ITGAM: variants seen among roughly 807,000 people sequenced by gnomAD.
ITGAM encodes integrin subunit alpha M.
Under a neutral mutation model 137.5 loss-of-function variants are expected in ITGAM, and 79 were observed. That is an observed-to-expected ratio of 0.57 (90% confidence interval 0.48 to 0.69). The LOEUF (loss-of-function observed/expected upper bound fraction) is 0.69, where lower values mean the gene tolerates loss of function less well. ITGAM is among the 30% of genes least tolerant of loss of function. The probability of loss-of-function intolerance (pLI) is 0.00; values close to 1 mark genes in which losing one functional copy is unlikely to be tolerated. For synonymous variants in ITGAM, 583 were observed against 592.3 expected (o/e 0.98, Z 0.23); for missense variants, 1,343 against 1,483.5 (o/e 0.91, Z 1.56).
At chr16:31,302,166 C>T (rs1413796338) in intron 14 of ITGAM, among the ~76,000 whole-genome samples, 1 of 152,018 alleles carries the variant, frequency 6.6e-6, no homozygotes, top group Non-Finnish European at 1.5e-5. Context: ...AAAAATAAAC[C>T]ACACTAAAAA....
At chr16:31,302,383 C>CTT in intron 14 of ITGAM, among the ~76,000 whole-genome samples, 1 of 149,100 alleles carries the variant, frequency 6.7e-6, no homozygotes. Flanking sequence ...TCTTTCTTTT[C>CTT]TTTTCTTTTT....
intron 7 of ITGAM, among the ~76,000 whole-genome samples, chr16:31,272,447 A>T (rs1220143895): frequency 8.1e-5 from 1 of 12,410 alleles, no homozygotes; most frequent in African/African-American, 3.9e-4. Context: ...ATATATATAT[A>T]TATATATATA....
chr16:31,307,060 T>C (rs1034510356), intron 14 of ITGAM, among the ~76,000 whole-genome samples: 2 of 152,144 alleles, frequency 1.3e-5, no homozygotes, highest in African/African-American at 4.8e-5. Flanking sequence ...CCTGGTAGTA[T>C]GGTTTGAAGT....
intron 14 of ITGAM, among the ~76,000 whole-genome samples, chr16:31,312,707 G>C (rs747371715): frequency 6.6e-6 from 1 of 152,074 alleles, no homozygotes; most frequent in Non-Finnish European, 1.5e-5. Flanking sequence ...GGGACTACTG[G>C]TGTGAGCCAC....
chr16:31,297,662 G>C lies in ITGAM; in HGVS notation c.1497+8G>C, dbSNP rs747958874. On this transcript the variant is annotated splice_region_variant and intron_variant, in intron 13 of 29. Transcript: ENST00000544665. Reference sequence around the variant, plus strand: ...TGCCCCTTGCCCAGGGGGGTGAGTGGCAATGGGACCTGGGCTGGGTGGGGC... The same window carrying C: ...TGCCCCTTGCCCAGGGGGGTGAGTGCCAATGGGACCTGGGCTGGGTGGGGC... The C allele has an allele frequency of 3.1e-6, 5 of 1,611,872 alleles. No homozygotes were observed. Among genetic ancestry groups the C allele is most frequent in the Non-Finnish European group, 4.2e-6 (5 of 1,179,330 alleles).
chr16:31,272,784 T>C (rs1035858495), intron 7 of ITGAM, among the ~76,000 whole-genome samples: 2 of 151,758 alleles, frequency 1.3e-5, no homozygotes, highest in African/African-American at 4.8e-5. Context: ...AATATATATA[T>C]TTTTAAAATT....
chr16:31,271,387 C>G (rs1408610232), intron 6 of ITGAM, among the ~76,000 whole-genome samples: 1 of 152,182 alleles, frequency 6.6e-6, no homozygotes, highest in Non-Finnish European at 1.5e-5. Context: ...GAATCTCACT[C>G]TTTCTCTCAG....
At chr16:31,314,612 A>G (rs1269628075) in intron 14 of ITGAM, among the ~76,000 whole-genome samples, 1 of 152,244 alleles carries the variant, frequency 6.6e-6, no homozygotes, top group East Asian at 1.9e-4. Flanking sequence ...TATCAGTACC[A>G]TGCTGTTTTG....
At chr16:31,282,246 A>C (rs1024704147) in intron 12 of ITGAM, among the ~76,000 whole-genome samples, 34 of 152,200 alleles carry the variant, frequency 2.2e-4, no homozygotes, top group Non-Finnish European at 4.4e-5. Flanking sequence ...CGCTTGGTGC[A>C]GAGCTGAGTT....
At position 31,271,810 on chromosome 16, in the gene ITGAM, AC is replaced by A; in HGVS notation, c.559-35del. 3.1e-6 allele frequency: 5 copies of A among 1,612,566 alleles called. No individual in the cohort carries two copies. In the South Asian group the frequency reaches 5.5e-5, roughly 18 times the overall value. On this transcript the variant is annotated intron_variant, in intron 6 of 29. Coordinates refer to ENST00000544665, the MANE Select transcript of ITGAM (RefSeq NM_000632.4). ...TGGGAGATGTCTGAGGGGTGGGGGCACCTTCTCCAGCATCACACCAGCCGCC... is the reference window on the plus strand; with the variant it reads ...TGGGAGATGTCTGAGGGGTGGGGGCACTTCTCCAGCATCACACCAGCCGCC...
intron 12 of ITGAM, among the ~76,000 whole-genome samples, chr16:31,286,722 G>T (rs1413297759): frequency 1.3e-5 from 2 of 152,004 alleles, no homozygotes; most frequent in Admixed American, 1.3e-4. Flanking sequence ...TTGATTTGTT[G>T]AAGTTCCTTA....
chr16:31,279,140 A>T (rs1187666725), intron 12 of ITGAM, among the ~76,000 whole-genome samples: 2 of 152,164 alleles, frequency 1.3e-5, no homozygotes, highest in Non-Finnish European at 2.9e-5. Context: ...TCTATCGTTG[A>T]TGGACATTTG....
intron 12 of ITGAM, among the ~76,000 whole-genome samples, chr16:31,290,995 T>A (rs1376020358): frequency 6.6e-6 from 1 of 152,196 alleles, no homozygotes; most frequent in African/African-American, 2.4e-5. Context: ...ATGAAATATT[T>A]AGGTATAAAT....
Position 31,276,901 on chromosome 16 carries a change from TG to T in ITGAM, c.1084-18del, listed in dbSNP as rs2079913005. On this transcript the variant is annotated intron_variant, in intron 10 of 29. Transcript: ENST00000544665. ...TCCCTTCTTCCTTCCTCATCAACCC[TG>T]TTCTACACCTTTCCCAGAATGGCCC... is the stretch of plus-strand genomic sequence containing the variant. 1.2e-6 allele frequency: 2 copies of T among 1,606,352 alleles called. No individual in the cohort carries two copies. Among genetic ancestry groups the T allele is most frequent in the Non-Finnish European group, 1.7e-6 (2 of 1,175,760 alleles).
chr16:31,329,073 T>TTCCCCCTCCCC, intron 23 of ITGAM, 155 bp from the exon 24 acceptor site: 4 of 426,236 alleles, frequency 9.4e-6, no homozygotes, highest in Non-Finnish European at 1.3e-5. Context: ...ACACATTGGT[T>TTCCCCCTCCCC]CCCCCATCCC....
chr16:31,266,411 T>C (rs1167285579), intron 5 of ITGAM, among the ~76,000 whole-genome samples: 5 of 109,174 alleles, frequency 4.6e-5, no homozygotes, highest in African/African-American at 2.1e-4. Context: ...AGTGAGATCC[T>C]GTCTCTAAAA....
intron 12 of ITGAM, among the ~76,000 whole-genome samples, chr16:31,291,900 A>G (rs2080090920): frequency 2.0e-5 from 3 of 152,106 alleles, no homozygotes; most frequent in Admixed American, 1.3e-4. Flanking sequence ...ATAGTTAACA[A>G]TAATTTATTG....
At chr16:31,284,508 C>T (rs779425632) in intron 12 of ITGAM, among the ~76,000 whole-genome samples, 75 of 152,150 alleles carry the variant, frequency 4.9e-4, no homozygotes, top group Non-Finnish European at 1.0e-3. Context: ...GCTCCATGGG[C>T]GTGGGACCCT....
In ITGAM at chr16:31,331,868, C is replaced by CGAGTGTGCGA; in HGVS notation, c.*161_*162insGAGTGTGCGA. ...GTGCAAGTGTGTATGTGCGTGTGTG[C>CGAGTGTGCGA]AAGTGTCTGTGTGCAAGTGTGTGCA... is the stretch of plus-strand genomic sequence containing the variant. On this transcript the variant is annotated 3_prime_UTR_variant, in exon 30 of 30. Coordinates refer to ENST00000544665, the MANE Select transcript of ITGAM (RefSeq NM_000632.4). 1.7e-6 allele frequency: 1 copy of CGAGTGTGCGA among 603,320 alleles called. No individual in the cohort carries two copies. The highest frequency in any genetic ancestry group is 2.9e-6 in the Non-Finnish European group (1 of 342,940). The allele number at this position is 603,320 out of a possible 1,614,324, so 37.4% of individuals were successfully genotyped here. A position where few individuals can be genotyped will look rare whatever the true frequency, so the allele number is the denominator to read the frequency against.
Sources: allele counts gnomAD v4.1 joint callset (sites outside exome capture counted in the v4.1 genomes callset), GRCh38; gene constraint gnomAD v4.1.1; transcripts MANE v1.5; gene names NCBI Gene and HGNC (gene_info 2026-07-23, HGNC 2026-07-21).